The following TNIK variants were observed in gnomAD, a reference collection of about 807,000 sequenced individuals.
TNIK encodes the protein TRAF2 and NCK interacting kinase, also known as TRAF2 and NCK-interacting protein kinase.
TNIK carries 49 observed loss-of-function variants against 191.3 expected under a neutral mutation model. That is an observed-to-expected ratio of 0.26 (90% CI 0.20 to 0.32). The LOEUF is 0.32. Among genes scored for constraint, TNIK ranks in the 10% least tolerant of loss-of-function variants. The probability of loss-of-function intolerance (pLI) is 1.00; values close to 1 mark genes in which losing one functional copy is unlikely to be tolerated. For missense variants in TNIK, 1,155 were observed against 1,702.3 expected, an observed-to-expected ratio of 0.68 and a Z score of 5.66; for synonymous variants, 594 against 600.9, an observed-to-expected ratio of 0.99 and a Z score of 0.17.
chr3:171,414,115 C>T (rs1028801964), intron 1 of TNIK, among the ~76,000 whole-genome samples: 4 of 152,200 alleles, frequency 2.6e-5, no homozygotes, highest in South Asian at 2.1e-4. Flanking sequence ...CTAACTTAGA[C>T]GTACCAATCC....
intron 1 of TNIK, among the ~76,000 whole-genome samples, chr3:171,406,228 C>A (rs1385165965): frequency 6.6e-6 from 1 of 152,070 alleles, no homozygotes; most frequent in Non-Finnish European, 1.5e-5. Flanking sequence ...AGCACACATT[C>A]CGTAATCTCG....
In TNIK at chr3:171,059,500, A is replaced by G. The variant is rs1717640283; in HGVS notation, c.*4381T>C. 6.6e-6 allele frequency among the ~76,000 whole-genome samples: 1 copy of G among 152,154 alleles called. No individual in the cohort carries two copies. ...AGAATTCCCAGAATAATGGTGTAGA[A>G]ATAAAAACAACCTAGAAAATGTTTG... On this transcript the variant is annotated 3_prime_UTR_variant, in exon 33 of 33. Transcript: ENST00000436636.
At chr3:171,211,784 A>C (rs1740861955) in intron 3 of TNIK, among the ~76,000 whole-genome samples, 1 of 152,176 alleles carries the variant, frequency 6.6e-6, no homozygotes, top group African/African-American at 2.4e-5. Context: ...ACAAAGCAGG[A>C]GTACCCACCT....
intron 2 of TNIK, among the ~76,000 whole-genome samples, chr3:171,278,741 C>A (rs1338691385): frequency 6.6e-6 from 1 of 151,716 alleles, no homozygotes; most frequent in Non-Finnish European, 1.5e-5. Context: ...ACAATCATAC[C>A]TCTTAGCATT....
At chr3:171,073,845 CAA>C (rs562403849) in intron 28 of TNIK, among the ~76,000 whole-genome samples, 77 of 97,762 alleles carry the variant, frequency 7.9e-4, no homozygotes, top group Non-Finnish European at 1.1e-3. Flanking sequence ...ACTAAAAGGT[CAA>C]AAAAAAAAAA....
chr3:171,289,526 C>A (rs1288466772), intron 2 of TNIK, among the ~76,000 whole-genome samples: 2 of 152,164 alleles, frequency 1.3e-5, no homozygotes, highest in Non-Finnish European at 2.9e-5. Context: ...CCTGACTTTG[C>A]CAGGAGCAGT....
At chr3:171,342,715 TCTC>T (rs951917622) in intron 2 of TNIK, among the ~76,000 whole-genome samples, 3 of 152,038 alleles carry the variant, frequency 2.0e-5, no homozygotes, top group African/African-American at 4.8e-5. Flanking sequence ...AAAAGACAAA[TCTC>T]CTATGCAGAA....
chr3:171,184,883 A>G (rs1028575944), intron 7 of TNIK, among the ~76,000 whole-genome samples: 2 of 152,222 alleles, frequency 1.3e-5, no homozygotes, highest in African/African-American at 4.8e-5. Flanking sequence ...CATGTCTGCA[A>G]ATAATCTGCA....
chr3:171,417,123 C>T (rs1723186437), intron 1 of TNIK, among the ~76,000 whole-genome samples: 1 of 152,164 alleles, frequency 6.6e-6, no homozygotes, highest in Non-Finnish European at 1.5e-5. Flanking sequence ...GATTTTGGAA[C>T]TTGCATTCAG....
rs548184924 is a variant in TNIK, at chr3:171,263,778, C to T, written c.124-35557G>A. Among the ~76,000 whole-genome samples the T allele has an allele frequency of 1.3e-3, 201 of 151,614 alleles. 1 individual carries two copies. Among genetic ancestry groups the T allele is most frequent in the African/African-American group, 4.6e-3 (189 of 41,388 alleles). Reference sequence around the variant, plus strand: ...AGGCCAGCCAGGTAAGGGGTGCTTACCCTAGGATGGAGCAAGTGGTGTAGG... The same window carrying T: ...AGGCCAGCCAGGTAAGGGGTGCTTATCCTAGGATGGAGCAAGTGGTGTAGG... On this transcript the variant is annotated intron_variant, in intron 2 of 32. Coordinates refer to ENST00000436636, the MANE Select transcript of TNIK (RefSeq NM_015028.4).
At chr3:171,067,667 G>A (rs1283257468) in intron 30 of TNIK, among the ~76,000 whole-genome samples, 8 of 135,310 alleles carry the variant, frequency 5.9e-5, no homozygotes, top group African/African-American at 1.1e-4. Context: ...GCGAGACTCC[G>A]TATCCAAAAA....
rs1019000135 is a variant in TNIK, at chr3:171,152,864, C to T, written c.1221+4596G>A. 6.6e-5 allele frequency among the ~76,000 whole-genome samples: 10 copies of T among 151,970 alleles called. No individual in the cohort carries two copies. In the East Asian group the frequency reaches 1.2e-3, roughly 18 times the overall value. ...TTGGCTCACTGCAAACTCCGCCTCC[C>T]GGGTTCATGCCATTCTCCTGCCTCA... On this transcript the variant is annotated intron_variant, in intron 12 of 32. Coordinates refer to ENST00000436636, the MANE Select transcript of TNIK (RefSeq NM_015028.4).
At chr3:171,360,021 A>G (rs1198740453) in intron 2 of TNIK, among the ~76,000 whole-genome samples, 1 of 152,166 alleles carries the variant, frequency 6.6e-6, no homozygotes, top group Admixed American at 6.5e-5. Context: ...TTATTTGGCA[A>G]CTCATTGATA....
chr3:171,155,235 C>T (rs1185563607), intron 12 of TNIK, among the ~76,000 whole-genome samples: 1 of 152,164 alleles, frequency 6.6e-6, no homozygotes, highest in African/African-American at 2.4e-5. Flanking sequence ...CACAAGTGGT[C>T]ACCAAAGGCC....
At chr3:171,444,489 T>C (rs1394716058) in intron 1 of TNIK, among the ~76,000 whole-genome samples, 2 of 149,952 alleles carry the variant, frequency 1.3e-5, no homozygotes, top group African/African-American at 2.5e-5. Context: ...TACAGGCCTA[T>C]AGGGAAAAAC....
intron 2 of TNIK, among the ~76,000 whole-genome samples, chr3:171,251,927 G>C (rs1746267935): frequency 6.6e-6 from 1 of 152,180 alleles, no homozygotes; most frequent in African/African-American, 2.4e-5. Context: ...AGACCAAAAA[G>C]AAATTTTGTG....
intron 1 of TNIK, among the ~76,000 whole-genome samples, chr3:171,419,345 T>C (rs1333229860): frequency 1.3e-5 from 2 of 152,172 alleles, no homozygotes; most frequent in Non-Finnish European, 2.9e-5. Flanking sequence ...TGTTTAGGGC[T>C]GGGATGGGGA....
chr3:171,379,202 C>A (rs1717679535), intron 1 of TNIK, among the ~76,000 whole-genome samples: 2 of 152,200 alleles, frequency 1.3e-5, no homozygotes, highest in Middle Eastern at 3.4e-3. Context: ...GGTTCACAGA[C>A]TTAGCATATT....
At chr3:171,099,213 C>A (rs975287313) in intron 22 of TNIK, among the ~76,000 whole-genome samples, 3 of 152,038 alleles carry the variant, frequency 2.0e-5, no homozygotes, top group Non-Finnish European at 4.4e-5. Flanking sequence ...AAGATACGTT[C>A]AATGGTTTCC....
Sources: allele counts gnomAD v4.1 joint callset (sites outside exome capture counted in the v4.1 genomes callset), GRCh38; gene constraint gnomAD v4.1.1; transcripts MANE v1.5; gene names NCBI Gene and HGNC (gene_info 2026-07-23, HGNC 2026-07-21).